Variants in ACYP2 observed in about 807,000 individuals in gnomAD.
ACYP2 encodes acylphosphatase 2.
A neutral mutation model predicts 11.2 loss-of-function variants in ACYP2; 12 were observed. The ratio of observed to expected loss-of-function variants is 1.08; its 90% confidence interval spans 0.69 to 1.74. The LOEUF (loss-of-function observed/expected upper bound fraction) is 1.74. ACYP2 is among the 40% of genes most tolerant of loss of function. ACYP2 has a pLI of 0.00. For synonymous variants in ACYP2, 43 were observed against 32.2 expected (o/e 1.33, Z -1.13); for missense variants, 134 against 101.9 (o/e 1.31, Z -1.35).
At chr2:53,974,427 T>C (rs532158427) in intron 2 of ACYP2, among the ~76,000 whole-genome samples, 1 of 152,312 alleles carries the variant, frequency 6.6e-6, no homozygotes, top group Admixed American at 6.5e-5. Context: ...GAGAAGTTCT[T>C]TCTATAGTTT....
intron 6 of ACYP2, among the ~76,000 whole-genome samples, chr2:54,290,702 TA>T (rs1328753029): frequency 6.6e-6 from 1 of 152,126 alleles, no homozygotes; most frequent in African/African-American, 2.4e-5. Context: ...TCAATTTGTT[TA>T]TGAGCATTTT....
At chr2:54,202,874 T>G (rs1440070904) in intron 6 of ACYP2, among the ~76,000 whole-genome samples, 1 of 151,774 alleles carries the variant, frequency 6.6e-6, no homozygotes, top group East Asian at 1.9e-4. Context: ...TACTGTAGTT[T>G]TATAGTAAGT....
At chr2:54,274,177 G>A (rs1479654998) in intron 6 of ACYP2, among the ~76,000 whole-genome samples, 2 of 152,144 alleles carry the variant, frequency 1.3e-5, no homozygotes, top group African/African-American at 4.8e-5. Context: ...CATCTTACAT[G>A]GATGGCAGCA....
At chr2:54,289,908 AT>A (rs1443385944) in intron 6 of ACYP2, among the ~76,000 whole-genome samples, 2 of 152,138 alleles carry the variant, frequency 1.3e-5, no homozygotes, top group East Asian at 3.9e-4. Flanking sequence ...CACATGTAGT[AT>A]GCTCAATACA....
chr2:54,285,299 G>C (rs544704679), intron 6 of ACYP2, among the ~76,000 whole-genome samples: 69 of 152,272 alleles, frequency 4.5e-4, no homozygotes, highest in South Asian at 3.3e-3. Flanking sequence ...GAGTTTCTAG[G>C]ATACCACGGT....
chr2:54,123,327 T>G (rs1006036273), intron 4 of ACYP2: 2 of 398,486 alleles, frequency 5.0e-6, no homozygotes, highest in African/African-American at 4.1e-5. Context: ...TGCAGTTGTT[T>G]TGGTATGGAG....
At chr2:53,988,447 C>T (rs1434066246) in intron 2 of ACYP2, among the ~76,000 whole-genome samples, 1 of 152,124 alleles carries the variant, frequency 6.6e-6, no homozygotes, top group African/African-American at 2.4e-5. Context: ...GTCACCCAGG[C>T]TGGAGTGCAG....
intron 2 of ACYP2, among the ~76,000 whole-genome samples, chr2:53,995,495 TA>T (rs940577957): frequency 6.7e-6 from 1 of 149,896 alleles, no homozygotes; most frequent in African/African-American, 2.4e-5. Context: ...ATTTTTTATT[TA>T]TTTATTTATT....
intron 4 of ACYP2, among the ~76,000 whole-genome samples, chr2:54,093,707 G>A (rs775617483): frequency 1.3e-5 from 2 of 152,226 alleles, no homozygotes; most frequent in Admixed American, 6.5e-5. Context: ...TCGGGAGGCC[G>A]AGGCGGGTGG....
intron 6 of ACYP2, among the ~76,000 whole-genome samples, chr2:54,150,992 C>T (rs559028588): frequency 7.9e-5 from 12 of 152,164 alleles, no homozygotes; most frequent in Admixed American, 4.6e-4. Flanking sequence ...CCGCCCACCT[C>T]GGCCTCCCAA....
intron 6 of ACYP2, among the ~76,000 whole-genome samples, chr2:54,274,771 G>A (rs879827652): frequency 6.6e-6 from 1 of 151,720 alleles, no homozygotes; most frequent in African/African-American, 2.4e-5. Flanking sequence ...GCATGGGAGA[G>A]AGCCATAGGG....
chr2:54,206,204 T>C lies in ACYP2; in HGVS notation c.404+67456T>C, dbSNP rs78350575. On this transcript the variant is annotated intron_variant, in intron 6 of 6. Transcript: ENST00000607452. ...TTAATTCCCCTGTCCTTGAAGACATTTGGATTTTAAGTTTGGGGCCTTGGG... is the reference window on the plus strand; with the variant it reads ...TTAATTCCCCTGTCCTTGAAGACATCTGGATTTTAAGTTTGGGGCCTTGGG... 2.4e-3 allele frequency among the ~76,000 whole-genome samples: 367 copies of C among 152,348 alleles called. 3 individuals are homozygous for C. The highest frequency in any genetic ancestry group is 8.4e-3 in the African/African-American group (348 of 41,584).
Position 54,252,579 on chromosome 2 carries a change from G to A in ACYP2, c.405-52109G>A, listed in dbSNP as rs13413850. Among the ~76,000 whole-genome samples the A allele has an allele frequency of 7.8e-3, 1,189 of 151,630 alleles. 13 individuals are homozygous for A. Among genetic ancestry groups the A allele is most frequent in the African/African-American group, 0.028 (1,142 of 41,374 alleles). On this transcript the variant is annotated intron_variant, in intron 6 of 6. Transcript: ENST00000607452. The stretch of plus-strand genomic sequence containing the variant: ...CATCTTTGTTTTGTTTTTTTTCAGT[G>A]ACATGCTTCAATTTTACCATCATCC...
intron 4 of ACYP2, among the ~76,000 whole-genome samples, chr2:54,089,042 T>G (rs1404568804): frequency 6.6e-6 from 1 of 152,210 alleles, no homozygotes; most frequent in Non-Finnish European, 1.5e-5. Context: ...TTAACAGGAC[T>G]TCTATGCTAA....
At chr2:54,214,218 T>G (rs1391227375) in intron 6 of ACYP2, among the ~76,000 whole-genome samples, 1 of 152,210 alleles carries the variant, frequency 6.6e-6, no homozygotes, top group East Asian at 1.9e-4. Context: ...ATAGTTTATT[T>G]TGCTGTGCAG....
At chr2:54,151,362 G>A (rs1682162183) in intron 6 of ACYP2, among the ~76,000 whole-genome samples, 2 of 152,180 alleles carry the variant, frequency 1.3e-5, no homozygotes, top group African/African-American at 4.8e-5. Context: ...ACCATTAGTG[G>A]CATGAATGTC....
chr2:54,244,302 A>G (rs10207830), intron 6 of ACYP2, among the ~76,000 whole-genome samples: 2,035 of 152,222 alleles, frequency 0.013, 53 homozygotes, highest in African/African-American at 0.047. Context: ...CCTGGGTTCA[A>G]GCAATTCTTG....
At chr2:54,301,498 A>C (rs1262926285) in intron 6 of ACYP2, among the ~76,000 whole-genome samples, 1 of 152,096 alleles carries the variant, frequency 6.6e-6, no homozygotes, top group Non-Finnish European at 1.5e-5. Context: ...GTTACTGAGG[A>C]AAGGAATTCC....
At chr2:54,064,488 T>C (rs1350619638) in intron 4 of ACYP2, among the ~76,000 whole-genome samples, 2 of 152,170 alleles carry the variant, frequency 1.3e-5, no homozygotes, top group Non-Finnish European at 2.9e-5. Flanking sequence ...CTTTCTTGTC[T>C]GAATGGGCCA....
Sources: allele counts gnomAD v4.1 joint callset (sites outside exome capture counted in the v4.1 genomes callset), GRCh38; gene constraint gnomAD v4.1.1; transcripts MANE v1.5; gene names NCBI Gene and HGNC (gene_info 2026-07-23, HGNC 2026-07-21).